CSMD1: variants seen among roughly 807,000 people sequenced by gnomAD.
The protein encoded by CSMD1 is CUB and sushi domain-containing protein 1.
Under a neutral mutation model 417.5 loss-of-function variants are expected in CSMD1, and 213 were observed. The ratio of observed to expected loss-of-function variants is 0.51; its 90% confidence interval spans 0.46 to 0.57. The LOEUF (loss-of-function observed/expected upper bound fraction) is 0.57, where lower values mean the gene tolerates loss of function less well. Among genes scored for constraint, CSMD1 ranks in the 20% least tolerant of loss-of-function variants. The pLI is 0.00. For missense variants in CSMD1, 6,923 were observed against 4,529.7 expected (o/e 1.53, Z -15.17); for synonymous variants, 2,862 against 1,736.8 (o/e 1.65, Z -16.11).
chr8:3,697,121 G>C (rs1800596744), intron 7 of CSMD1, among the ~76,000 whole-genome samples: 1 of 152,226 alleles, frequency 6.6e-6, no homozygotes, highest in African/African-American at 2.4e-5. Context: ...TCAATAATCA[G>C]CATAATCATC....
intron 5 of CSMD1, among the ~76,000 whole-genome samples, chr8:3,848,069 T>TCTCTC (rs1803631918): frequency 7.5e-6 from 1 of 133,352 alleles, no homozygotes; most frequent in African/African-American, 2.8e-5. Flanking sequence ...CTGGTGATAT[T>TCTCTC]TCTCTCTCTC....
At chr8:3,921,467 G>A (rs1033063982) in intron 5 of CSMD1, among the ~76,000 whole-genome samples, 1 of 151,902 alleles carries the variant, frequency 6.6e-6, no homozygotes, top group South Asian at 2.1e-4. Context: ...TCCTAGTTCA[G>A]TGAGGTGTAA....
At chr8:4,108,928 C>A (rs184265872) in intron 3 of CSMD1, among the ~76,000 whole-genome samples, 1 of 152,148 alleles carries the variant, frequency 6.6e-6, no homozygotes, top group African/African-American at 2.4e-5. Flanking sequence ...CAAAAAATTC[C>A]ATCGCCTTAG....
chr8:4,024,166 G>A (rs894418273), intron 4 of CSMD1, among the ~76,000 whole-genome samples: 1 of 152,086 alleles, frequency 6.6e-6, no homozygotes, highest in Non-Finnish European at 1.5e-5. Context: ...AGAATCAGTT[G>A]TATTATTCCA....
At chr8:4,783,455 T>C (rs1372986551) in intron 1 of CSMD1, among the ~76,000 whole-genome samples, 2 of 152,226 alleles carry the variant, frequency 1.3e-5, no homozygotes, top group African/African-American at 2.4e-5. Context: ...TCTGCTGCCC[T>C]GGTCAGAACA....
chr8:3,083,123 T>C (rs554413094), intron 49 of CSMD1, among the ~76,000 whole-genome samples: 1 of 152,182 alleles, frequency 6.6e-6, no homozygotes, highest in East Asian at 1.9e-4. Context: ...TTCATAATTA[T>C]GAATTGTCAG....
At chr8:3,507,789 C>T (rs551335798) in intron 10 of CSMD1, among the ~76,000 whole-genome samples, 1 of 152,222 alleles carries the variant, frequency 6.6e-6, no homozygotes, top group African/African-American at 2.4e-5. Flanking sequence ...GTTTTTTTGG[C>T]TGCATAAATG....
chr8:3,492,163 G>A (rs1053118842), intron 11 of CSMD1, among the ~76,000 whole-genome samples: 2 of 152,138 alleles, frequency 1.3e-5, no homozygotes, highest in East Asian at 1.9e-4. Context: ...ACGGGTGGGC[G>A]TGGGTTTCAG....
chr8:4,127,933 T>G lies in CSMD1; in HGVS notation c.416-95834A>C, dbSNP rs1802862630. On this transcript the variant is annotated intron_variant, in intron 3 of 69. Transcript: ENST00000635120. ...ACTCTGACTCCAGAGCATGCACAGT[T>G]AAACACTATTCTGTCTTGCAAAGCC... 2.0e-5 allele frequency among the ~76,000 whole-genome samples: 3 copies of G among 152,212 alleles called. No individual in the cohort carries two copies. In the South Asian group the frequency reaches 6.2e-4, roughly 31 times the overall value.
intron 5 of CSMD1, among the ~76,000 whole-genome samples, chr8:3,783,795 G>C (rs1439087972): frequency 3.3e-5 from 5 of 152,156 alleles, no homozygotes; most frequent in African/African-American, 7.2e-5. Flanking sequence ...GAGACACTGA[G>C]GCTTCCATAT....
chr8:4,864,180 T>C (rs1368728444), intron 1 of CSMD1, among the ~76,000 whole-genome samples: 1 of 151,908 alleles, frequency 6.6e-6, no homozygotes, highest in African/African-American at 2.4e-5. Context: ...CCTCAAATAA[T>C]AATGAAGTAC....
chr8:4,548,337 A>G (rs1204358089), intron 2 of CSMD1, among the ~76,000 whole-genome samples: 3 of 152,180 alleles, frequency 2.0e-5, no homozygotes, highest in Admixed American at 2.0e-4. Flanking sequence ...ATATCACCCC[A>G]AGAAGCAAAT....
chr8:3,055,986 C>T (rs779313029), intron 49 of CSMD1, among the ~76,000 whole-genome samples: 4 of 152,208 alleles, frequency 2.6e-5, no homozygotes, highest in African/African-American at 9.6e-5. Flanking sequence ...ACGACATAGG[C>T]ATTCAATCAA....
At chr8:4,037,875 G>T (rs185489304) in intron 3 of CSMD1, among the ~76,000 whole-genome samples, 1 of 151,916 alleles carries the variant, frequency 6.6e-6, no homozygotes, top group Non-Finnish European at 1.5e-5. Context: ...GTATACATAC[G>T]TACAATAACT....
intron 10 of CSMD1, among the ~76,000 whole-genome samples, chr8:3,548,094 A>C (rs955504146): frequency 6.6e-6 from 1 of 152,142 alleles, no homozygotes. Flanking sequence ...TCCACCAAAA[A>C]AAATACCGTG....
intron 6 of CSMD1, among the ~76,000 whole-genome samples, chr8:3,712,291 T>C (rs950936674): frequency 2.6e-5 from 4 of 152,052 alleles, no homozygotes; most frequent in South Asian, 2.1e-4. Context: ...TCTCCTCTTT[T>C]CTTCCTTCCA....
intron 2 of CSMD1, among the ~76,000 whole-genome samples, chr8:4,536,147 A>G (rs907517965): frequency 7.2e-5 from 11 of 152,130 alleles, no homozygotes; most frequent in African/African-American, 2.4e-4. Context: ...GTATATATAA[A>G]CCGCAACTCA....
chr8:3,858,019 G>C (rs754406132), intron 5 of CSMD1, among the ~76,000 whole-genome samples: 2 of 152,210 alleles, frequency 1.3e-5, no homozygotes, highest in Admixed American at 6.5e-5. Flanking sequence ...CTCTGCACAT[G>C]TGTTCTTGGA....
intron 12 of CSMD1, among the ~76,000 whole-genome samples, chr8:3,423,122 A>C (rs962868579): frequency 5.9e-5 from 9 of 152,204 alleles, no homozygotes; most frequent in Admixed American, 3.9e-4. Context: ...ATTACTCATC[A>C]TAGTTCAATG....
Sources: gnomAD v4.1 joint callset for allele counts (sites outside exome capture counted in the v4.1 genomes callset) on GRCh38, gnomAD v4.1.1 for gene constraint, MANE v1.5 for transcripts, NCBI Gene and HGNC (gene_info 2026-07-23, HGNC 2026-07-21) for gene names.